The following LUZP2 variants were observed in gnomAD, a reference collection of about 807,000 sequenced individuals.
LUZP2 encodes the protein leucine zipper protein 2.
LUZP2 carries 52 observed loss-of-function variants against 51.6 expected under a neutral mutation model. The observed-to-expected ratio is 1.01, with a 90% confidence interval of 0.81 to 1.27. The LOEUF (loss-of-function observed/expected upper bound fraction) is 1.27. Among genes scored for constraint, LUZP2 ranks in the 50% most tolerant of loss-of-function variants. The pLI is 0.00. For synonymous variants in LUZP2, 154 were observed against 137.3 expected (o/e 1.12, Z -0.85); for missense variants, 436 against 395.4 (o/e 1.10, Z -0.87).
chr11:25,068,671 C>T (rs79491792), intron 10 of LUZP2, among the ~76,000 whole-genome samples: 1,590 of 152,058 alleles, frequency 0.01, 30 homozygotes, highest in African/African-American at 0.035. Flanking sequence ...ACACAGAGAA[C>T]GCATTGACTT....
intron 5 of LUZP2, among the ~76,000 whole-genome samples, chr11:24,771,496 G>T (rs1038089740): frequency 2.7e-5 from 4 of 150,360 alleles, no homozygotes; most frequent in Non-Finnish European, 4.4e-5. Context: ...GCACATCATA[G>T]TTCACATTTT....
intron 1 of LUZP2, among the ~76,000 whole-genome samples, chr11:24,602,416 A>ACACT (rs1853766501): frequency 7.1e-6 from 1 of 141,266 alleles, no homozygotes; most frequent in South Asian, 2.2e-4. Context: ...ACACACACAC[A>ACACT]TACATCCCTA....
At chr11:24,691,577 A>T (rs972659544) in intron 1 of LUZP2, among the ~76,000 whole-genome samples, 1 of 151,404 alleles carries the variant, frequency 6.6e-6, no homozygotes. Context: ...TGTCTCCTTC[A>T]GGTATATAAA....
chr11:24,723,592 G>A (rs1178328435), intron 1 of LUZP2, among the ~76,000 whole-genome samples: 1 of 152,198 alleles, frequency 6.6e-6, no homozygotes, highest in African/African-American at 2.4e-5. Context: ...TTGGGAGGCT[G>A]AGGCAGGAGA....
At chr11:24,799,788 A>T (rs1849645522) in intron 5 of LUZP2, among the ~76,000 whole-genome samples, 1 of 152,130 alleles carries the variant, frequency 6.6e-6, no homozygotes, top group Non-Finnish European at 1.5e-5. Context: ...TGGGGAAATG[A>T]TTTAATTCCA....
intron 1 of LUZP2, among the ~76,000 whole-genome samples, chr11:24,580,534 C>T (rs1041863092): frequency 6.6e-5 from 10 of 152,110 alleles, no homozygotes; most frequent in African/African-American, 2.2e-4. Flanking sequence ...GCAAAAGCTC[C>T]ATGTTAATCA....
chr11:24,697,293 G>T (rs1268641423), intron 1 of LUZP2, among the ~76,000 whole-genome samples: 1 of 152,174 alleles, frequency 6.6e-6, no homozygotes, highest in East Asian at 1.9e-4. Context: ...GAATTAGAGT[G>T]TAAATAGGCA....
rs1055096867 is a variant in LUZP2 at position 24,756,854 on chromosome 11, A to G, written c.334-6392A>G. On this transcript the variant is annotated intron_variant, in intron 4 of 11. Coordinates refer to ENST00000336930, the MANE Select transcript of LUZP2 (RefSeq NM_001009909.4). ...CTTCCCCTGCTCAGACACCAGTCTC[A>G]AGTCATGGCCTATAGAACTTCTGAC... Among the ~76,000 whole-genome samples, 4 of 152,174 alleles carry G rather than the reference A, an allele frequency of 2.6e-5. No homozygotes were observed. In the East Asian group the frequency reaches 5.8e-4, roughly 22 times the overall value.
intron 6 of LUZP2, 40 bp downstream of exon 6, chr11:24,906,093 A>G: frequency 6.8e-7 from 1 of 1,474,490 alleles, no homozygotes; most frequent in Non-Finnish European, 9.5e-7. Flanking sequence ...AACCAGATAA[A>G]AACAGTATTA....
rs375238826 is a variant in LUZP2, at chr11:24,773,148, T to G, written c.396+9840T>G. ...AGGTATAAATCTATCAATGGAAGTA[T>G]CCTAAAATTGCTTATTTAAATGCAT... is the stretch of plus-strand genomic sequence containing the variant. On this transcript the variant is annotated intron_variant, in intron 5 of 11. Transcript: ENST00000336930. Among the ~76,000 whole-genome samples the G allele has an allele frequency of 5.3e-5, 8 of 151,814 alleles. 1 individual carries two copies. The highest frequency in any genetic ancestry group is 3.3e-4 in the Admixed American group (5 of 15,200).
intron 5 of LUZP2, among the ~76,000 whole-genome samples, chr11:24,807,823 G>A (rs1564919868): frequency 6.6e-6 from 1 of 152,146 alleles, no homozygotes; most frequent in Admixed American, 6.6e-5. Context: ...CCATAAAAAA[G>A]TGGAGGAAGG....
At chr11:24,789,699 T>C (rs1849354416) in intron 5 of LUZP2, among the ~76,000 whole-genome samples, 1 of 152,202 alleles carries the variant, frequency 6.6e-6, no homozygotes, top group African/African-American at 2.4e-5. Context: ...AAGATCAAGA[T>C]GCCAGCAGTG....
At chr11:24,699,083 A>T (rs924201660) in intron 1 of LUZP2, among the ~76,000 whole-genome samples, 2 of 125,776 alleles carry the variant, frequency 1.6e-5, no homozygotes, top group Non-Finnish European at 3.3e-5. Context: ...AACAAACCAC[A>T]GAAACACACA....
intron 5 of LUZP2, among the ~76,000 whole-genome samples, chr11:24,796,223 G>A (rs1427389508): frequency 6.6e-6 from 1 of 152,058 alleles, no homozygotes; most frequent in East Asian, 1.9e-4. Context: ...TTAAGCAAAT[G>A]GCATATGCAA....
intron 9 of LUZP2, among the ~76,000 whole-genome samples, chr11:25,017,479 G>T (rs1026072077): frequency 1.3e-5 from 2 of 152,048 alleles, no homozygotes; most frequent in Non-Finnish European, 2.9e-5. Context: ...TCTACATGTG[G>T]CTATCCAGTT....
At chr11:24,811,431 A>C (rs1850018365) in intron 5 of LUZP2, among the ~76,000 whole-genome samples, 1 of 152,164 alleles carries the variant, frequency 6.6e-6, no homozygotes, top group Admixed American at 6.6e-5. Context: ...TCGCTGTCTT[A>C]TCTGACATAG....
intron 5 of LUZP2, among the ~76,000 whole-genome samples, chr11:24,811,133 C>T (rs747099440): frequency 6.6e-6 from 1 of 152,134 alleles, no homozygotes; most frequent in Non-Finnish European, 1.5e-5. Context: ...ATCCTTGCTT[C>T]ACTCTGTTTT....
chr11:25,019,146 A>G (rs188393387), intron 9 of LUZP2, among the ~76,000 whole-genome samples: 3 of 152,332 alleles, frequency 2.0e-5, no homozygotes, highest in Admixed American at 1.3e-4. Context: ...GGTGTTGTAT[A>G]TTCCATGACT....
At chr11:25,043,064 C>T (rs752757071) in intron 9 of LUZP2, among the ~76,000 whole-genome samples, 2 of 152,106 alleles carry the variant, frequency 1.3e-5, no homozygotes, top group Admixed American at 1.3e-4. Flanking sequence ...TCTAAGATGG[C>T]CATCTGCAAG....
Sources: gnomAD v4.1 joint callset for allele counts (sites outside exome capture counted in the v4.1 genomes callset) on GRCh38, gnomAD v4.1.1 for gene constraint, MANE v1.5 for transcripts, NCBI Gene and HGNC (gene_info 2026-07-23, HGNC 2026-07-21) for gene names.